Variants in RUNX1T1 observed in about 807,000 individuals in gnomAD.
RUNX1T1 encodes the protein protein CBFA2T1.
A neutral mutation model predicts 62.8 loss-of-function variants in RUNX1T1; 4 were observed. The observed-to-expected ratio is 0.06, with a 90% CI of 0.03 to 0.15. RUNX1T1 has a LOEUF of 0.15. RUNX1T1 is among the 10% of genes least tolerant of loss of function. RUNX1T1 has a pLI of 1.00. For missense variants in RUNX1T1, 508 were observed against 754.3 expected, an observed-to-expected ratio of 0.67 and a Z score of 3.82; for synonymous variants, 291 against 286.0, an observed-to-expected ratio of 1.02 and a Z score of -0.18.
At chr8:91,996,977 A>G (rs1168395616) in intron 5 of RUNX1T1, among the ~76,000 whole-genome samples, 1 of 151,044 alleles carries the variant, frequency 6.6e-6, no homozygotes, top group Admixed American at 6.6e-5. Context: ...AAAAAAAAAA[A>G]TTAGCCAGGC....
At chr8:92,085,835 C>G (rs1836026234) in intron 1 of RUNX1T1, among the ~76,000 whole-genome samples, 1 of 152,070 alleles carries the variant, frequency 6.6e-6, no homozygotes, top group Non-Finnish European at 1.5e-5. Context: ...TAAGAGTGAG[C>G]AATAAGGATT....
chr8:92,018,827 A>C (rs1306714582), intron 1 of RUNX1T1, among the ~76,000 whole-genome samples: 1 of 152,230 alleles, frequency 6.6e-6, no homozygotes, highest in African/African-American at 2.4e-5. Flanking sequence ...TTCTAATAAG[A>C]GTATTTGCAC....
chr8:91,955,820 G>A (rs1809278753), downstream of RUNX1T1: 1 of 226,840 alleles, frequency 4.4e-6, no homozygotes, highest in Admixed American at 5.7e-5. Context: ...AAAACTAACA[G>A]CATTCACAGG....
chr8:91,979,749 A>C (rs537439130), intron 8 of RUNX1T1: 1 of 491,570 alleles, frequency 2.0e-6, no homozygotes, highest in East Asian at 4.2e-5. Flanking sequence ...ATGATGTATG[A>C]AAGAGATGGA....
intron 8 of RUNX1T1, among the ~76,000 whole-genome samples, chr8:91,980,129 T>C (rs757334858): frequency 1.3e-5 from 2 of 152,202 alleles, no homozygotes; most frequent in Non-Finnish European, 2.9e-5. Flanking sequence ...TTCCATCTTT[T>C]ACAACAAACA....
At chr8:92,093,626 G>A (rs998119434) in intron 1 of RUNX1T1, among the ~76,000 whole-genome samples, 3 of 152,170 alleles carry the variant, frequency 2.0e-5, no homozygotes, top group African/African-American at 7.2e-5. Context: ...AAAAGTCAGA[G>A]TCAGGCCCTA....
At chr8:91,958,226 C>A, downstream of RUNX1T1, 1 of 201,398 alleles carries the variant, frequency 5.0e-6, no homozygotes, top group Non-Finnish European at 1.0e-5. Flanking sequence ...GCACTGCTGA[C>A]TTTCCTAAAG....
chr8:92,085,781 T>G (rs1836013576), intron 1 of RUNX1T1, among the ~76,000 whole-genome samples: 1 of 152,244 alleles, frequency 6.6e-6, no homozygotes, highest in Non-Finnish European at 1.5e-5. Context: ...TAGATTTTTT[T>G]GTTGTTTCTT....
chr8:92,028,341 G>A (rs544329448), intron 1 of RUNX1T1, among the ~76,000 whole-genome samples: 1 of 152,076 alleles, frequency 6.6e-6, no homozygotes, highest in South Asian at 2.1e-4. Context: ...AAGATCTGCT[G>A]TCATTGGAAT....
At chr8:91,970,919 A>T in intron 9 of RUNX1T1, 71 bp from the exon 11 acceptor site, 1 of 1,286,692 alleles carries the variant, frequency 7.8e-7, no homozygotes, top group East Asian at 2.7e-5. Flanking sequence ...GATACGGATT[A>T]CTTTTCTTTT....
intron 1 of RUNX1T1, among the ~76,000 whole-genome samples, chr8:92,088,110 G>A (rs1836410479): frequency 6.6e-6 from 1 of 152,202 alleles, no homozygotes; most frequent in Non-Finnish European, 1.5e-5. Flanking sequence ...AGGAGCTGTG[G>A]AGTAAAGCAC....
intron 1 of RUNX1T1, among the ~76,000 whole-genome samples, chr8:92,054,428 C>A (rs1243992710): frequency 6.6e-6 from 1 of 152,154 alleles, no homozygotes; most frequent in Non-Finnish European, 1.5e-5. Context: ...CTCCAGACAG[C>A]ATCGCTGTCT....
chr8:91,988,471 C>G lies in RUNX1T1; in HGVS notation c.911-1499G>C, dbSNP rs145339414. 1.3e-3 allele frequency among the ~76,000 whole-genome samples: 194 copies of G among 152,204 alleles called. 1 individual carries two copies. The highest frequency in any genetic ancestry group is 4.5e-3 in the African/African-American group (187 of 41,562). ...TGATTATTTCAAGTTGAAATGTTTG[C>G]AAATATGTAATTTTTGTTAACTTAT... On this transcript the variant is annotated intron_variant, in intron 6 of 10. Transcript: ENST00000396218.
At chr8:92,062,244 T>A (rs764142712) in intron 1 of RUNX1T1, among the ~76,000 whole-genome samples, 2 of 152,220 alleles carry the variant, frequency 1.3e-5, no homozygotes, top group African/African-American at 2.4e-5. Flanking sequence ...ACTTCTTACT[T>A]GAGCTAAAAC....
chr8:92,095,363 G>A (rs1196773438), intron 1 of RUNX1T1: 2 of 1,535,280 alleles, frequency 1.3e-6, no homozygotes, highest in African/African-American at 2.7e-5. Flanking sequence ...GCAAAGGAGC[G>A]CGGGAGAGCG....
At chr8:91,970,991 A>C (rs898802371) in intron 9 of RUNX1T1, 143 bp from the exon 11 acceptor site, 5 of 554,334 alleles carry the variant, frequency 9.0e-6, no homozygotes, top group African/African-American at 3.9e-5. Flanking sequence ...CCTCTGCATC[A>C]ATTTCCCCTA....
Position 92,006,641 on chromosome 8 carries a change from T to C in RUNX1T1, c.478-1344A>G, listed in dbSNP as rs544954608. 5 of 152,098 alleles carry C rather than the reference T, an allele frequency of 3.3e-5. No individual in the cohort carries two copies. The South Asian group carries it at 1.0e-3, about 32-fold the overall frequency. 9.4% of individuals were successfully genotyped at this position (152,098 alleles called of 1,614,324 possible). ...AGCCAAGTTTCTGGCCTATATCATT[T>C]TCCTTTACTCTGAAGAACTCCTTTT... On this transcript the variant is annotated intron_variant, in intron 4 of 10. Transcript: ENST00000396218.
chr8:91,965,436 G>C (rs546044364), intron 10 of RUNX1T1, among the ~76,000 whole-genome samples: 1 of 152,144 alleles, frequency 6.6e-6, no homozygotes, highest in Admixed American at 6.6e-5. Flanking sequence ...AGGGAGGGAT[G>C]CTGGCATAAA....
Position 91,987,891 on chromosome 8 carries a change from C to G in RUNX1T1, c.911-919G>C, listed in dbSNP as rs541723934. The stretch of plus-strand genomic sequence containing the variant: ...GGCATTATTTTGCATTTTAAATGAT[C>G]AAAACTATTATTTTTGGTTACCAAT... On this transcript the variant is annotated intron_variant, in intron 6 of 10. Transcript: ENST00000396218. 3.9e-5 allele frequency among the ~76,000 whole-genome samples: 6 copies of G among 152,206 alleles called. No homozygotes were observed. In the South Asian group the frequency reaches 6.2e-4, roughly 16 times the overall value.
Sources: gnomAD v4.1 joint callset for allele counts (sites outside exome capture counted in the v4.1 genomes callset) on GRCh38, gnomAD v4.1.1 for gene constraint, MANE v1.5 for transcripts, NCBI Gene and HGNC (gene_info 2026-07-23, HGNC 2026-07-21) for gene names.